ASH1L: variants seen among roughly 807,000 people sequenced by gnomAD.
The protein encoded by ASH1L is histone-lysine N-methyltransferase ASH1L.
A neutral mutation model predicts 269.0 loss-of-function variants in ASH1L; 23 were observed. The ratio of observed to expected loss-of-function variants is 0.09; its 90% CI spans 0.06 to 0.12. ASH1L has a LOEUF of 0.12. Among genes scored for constraint, ASH1L ranks in the 10% least tolerant of loss-of-function variants. ASH1L has a pLI of 1.00. For missense variants in ASH1L, 2,912 were observed against 3,567.8 expected (o/e 0.82, Z 4.68); for synonymous variants, 1,187 against 1,253.5 (o/e 0.95, Z 1.12).
At chr1:155,467,530 A>G (rs937015893) in intron 3 of ASH1L, among the ~76,000 whole-genome samples, 2 of 152,198 alleles carry the variant, frequency 1.3e-5, no homozygotes, top group Non-Finnish European at 2.9e-5. Context: ...AGTCTTCATA[A>G]GATTTAATTT....
chr1:155,507,619 C>A (rs773355815), intron 2 of ASH1L, among the ~76,000 whole-genome samples: 1 of 152,138 alleles, frequency 6.6e-6, no homozygotes, highest in African/African-American at 2.4e-5. Flanking sequence ...CGCCTGTAAT[C>A]CCAGTATGTT....
chr1:155,343,647 T>C lies in ASH1L; in HGVS notation c.8077A>G (p.Lys2693Glu). Residue 2693 changes from lysine to glutamate, a missense_variant, in exon 23 of 28, where the codon AAA (lysine) becomes GAA (glutamate). Lys to Glu is a moderately conservative substitution (Grantham distance 56). Transcript: ENST00000392403. This position sits in a 1 kb window ranked among gnomAD's most constrained non-coding sequence, Gnocchi z 6.1. ...TTCTCAATGCGAAAGATGTCAAGTT[T>C]ATCTCGGTTAATGTGAGATAACAGT... is the stretch of plus-strand genomic sequence containing the variant. The part of the protein sequence containing the change: ...YRLLSHINRD[K>E]LDIFRIEKLW... 1 of 1,614,212 alleles carries C rather than the reference T, an allele frequency of 6.2e-7. No individual in the cohort carries two copies. The highest frequency in any genetic ancestry group is 8.5e-7 in the Non-Finnish European group (1 of 1,180,028).
At chr1:155,527,433 A>G (rs1211337563) in intron 1 of ASH1L, among the ~76,000 whole-genome samples, 2 of 152,076 alleles carry the variant, frequency 1.3e-5, no homozygotes, top group Non-Finnish European at 2.9e-5. Flanking sequence ...TGCTAAGAAG[A>G]ATGATCAATT....
chr1:155,479,119 T>C lies in ASH1L; in HGVS notation c.3751A>G (p.Lys1251Glu). ...TAATCATGATTCCTGCGCTTACATTTGTGTTTATGTTTTTCTTTAAGACTG... is the reference window on the plus strand; with the variant it reads ...TAATCATGATTCCTGCGCTTACATTCGTGTTTATGTTTTTCTTTAAGACTG... ...LSSLKEKHKH[K>E]CKRRNHDYLS... is the part of the protein sequence containing the mutation. The change falls in exon 3 of 28, where the codon AAA becomes GAA. Residue 1251 changes from lysine to glutamate, a missense_variant. By Grantham distance (56) the Lys-to-Glu change is moderately conservative (BLOSUM62 1). Coordinates refer to ENST00000392403, the MANE Select transcript of ASH1L (RefSeq NM_018489.3). 1 of 1,614,162 alleles carries C rather than the reference T, an allele frequency of 6.2e-7. No homozygotes were observed. The highest frequency in any genetic ancestry group is 8.5e-7 in the Non-Finnish European group (1 of 1,180,022).
intron 1 of ASH1L, among the ~76,000 whole-genome samples, chr1:155,547,417 A>C (rs1161098693): frequency 6.6e-6 from 1 of 152,140 alleles, no homozygotes; most frequent in Non-Finnish European, 1.5e-5. Flanking sequence ...AATATGGCAC[A>C]TATACACCAC....
Position 155,422,303 on chromosome 1 carries a change from A to ATT in ASH1L, c.5829-6382_5829-6381dup, listed in dbSNP as rs757564991. 2.2e-3 allele frequency among the ~76,000 whole-genome samples: 261 copies of ATT among 120,902 alleles called. 2 individuals carry two copies. Among genetic ancestry groups the ATT allele is most frequent in the African/African-American group, 6.7e-3 (197 of 29,270 alleles). 79.3% of individuals were successfully genotyped at this position (120,902 alleles called of 152,430 possible). ...AGGGTCACACCACCACGCCCAGCTAATTTTTTTTTTTTTTTTTTTTTTGAG... is the reference window on the plus strand; with the variant it reads ...AGGGTCACACCACCACGCCCAGCTAATTTTTTTTTTTTTTTTTTTTTTTTGAG... On this transcript the variant is annotated intron_variant, in intron 5 of 27. Coordinates refer to ENST00000392403, the MANE Select transcript of ASH1L (RefSeq NM_018489.3).
intron 3 of ASH1L, among the ~76,000 whole-genome samples, chr1:155,462,374 A>C (rs1188728696): frequency 2.6e-5 from 4 of 152,194 alleles, no homozygotes; most frequent in Admixed American, 2.0e-4. Context: ...GTCATCTTCA[A>C]GAAAGTCTTG....
At position 155,347,738 on chromosome 1, in the gene ASH1L, T is replaced by G. The variant is rs765095671; in HGVS notation, c.7721A>C (p.His2574Pro). The change falls in exon 20 of 28, where the codon CAT becomes CCT. Residue 2574 changes from histidine (H) to proline (P), a missense_variant. This residue lies in a region of ASH1L where 309 missense variants were observed against 435.1 expected (regional missense o/e 0.71). Transcript: ENST00000392403. Reference protein sequence around the residue: ...ETSVSEKENGHEKDDDVIRCI... With the variant: ...ETSVSEKENGPEKDDDVIRCI... The stretch of plus-strand genomic sequence containing the variant: ...GCGAATAACATCGTCGTCCTTCTCA[T>G]GCCCATTCTCCTTTTCAGAGACTGA... 1.2e-6 allele frequency: 2 copies of G among 1,614,248 alleles called. No homozygotes were observed. Among genetic ancestry groups the G allele is most frequent in the South Asian group, 1.1e-5 (1 of 91,088 alleles).
rs113168125 is a variant in ASH1L, at chr1:155,491,756, G to A, written c.421-9307C>T. 7.2e-3 allele frequency among the ~76,000 whole-genome samples: 1,093 copies of A among 151,916 alleles called. 11 individuals are homozygous for A. Among genetic ancestry groups the A allele is most frequent in the African/African-American group, 0.025 (1,040 of 41,410 alleles). On this transcript the variant is annotated intron_variant, in intron 2 of 27. Coordinates refer to ENST00000392403, the MANE Select transcript of ASH1L (RefSeq NM_018489.3). Reference sequence around the variant, plus strand: ...TCAACCTCGGCTCACTGCAACCTCCGTCTCCTGGGTTCAAGCAATTCTTGT... The same window carrying A: ...TCAACCTCGGCTCACTGCAACCTCCATCTCCTGGGTTCAAGCAATTCTTGT...
At chr1:155,447,525 C>T (rs1663130064) in intron 4 of ASH1L, among the ~76,000 whole-genome samples, 1 of 152,132 alleles carries the variant, frequency 6.6e-6, no homozygotes, top group Non-Finnish European at 1.5e-5. Context: ...CCACCACACT[C>T]AGCCTTGTTA....
Position 155,521,316 on chromosome 1 carries a change from A to C in ASH1L, c.204T>G (p.Asp68Glu), listed in dbSNP as rs201153025. 16 of 1,614,138 alleles carry C rather than the reference A, an allele frequency of 9.9e-6. No homozygotes were observed. The highest frequency in any genetic ancestry group is 1.4e-5 in the Non-Finnish European group (16 of 1,180,024). Residue 68 changes from aspartate (D) to glutamate (E), a missense_variant, in exon 2 of 28, where the codon GAT (aspartate) becomes GAG (glutamate). By Grantham distance (45) the Asp-to-Glu change is conservative. Transcript: ENST00000392403. The part of the protein sequence containing the change: ...IEAGKDDGLT[D>E]AQQQFSVKET... ...CTTTCACTGAAAACTGTTGCTGTGC[A>C]TCAGTCAAACCATCATCTTTCCCAG...
chr1:155,519,486 T>C lies in ASH1L; in HGVS notation c.420+1614A>G, dbSNP rs564172531. Among the ~76,000 whole-genome samples, 33 of 152,176 alleles carry C rather than the reference T, an allele frequency of 2.2e-4. 1 individual carries two copies. The highest frequency in any genetic ancestry group is 1.9e-3 in the Admixed American group (29 of 15,270). The stretch of plus-strand genomic sequence containing the variant: ...AAAATAAAGTGGTATATCCACACAA[T>C]GGATTATTCAGCCATGAAAAGGAAT... On this transcript the variant is annotated intron_variant, in intron 2 of 27. Transcript: ENST00000392403.
At chr1:155,347,582 G>T (rs968199579) in intron 20 of ASH1L, 74 bp downstream of exon 20, 25 of 1,582,342 alleles carry the variant, frequency 1.6e-5, no homozygotes, top group Non-Finnish European at 2.0e-5. Flanking sequence ...TCCAAAAGAG[G>T]CATGGGCTTC....
intron 5 of ASH1L, among the ~76,000 whole-genome samples, chr1:155,423,073 C>T (rs1660841019): frequency 6.6e-6 from 1 of 151,618 alleles, no homozygotes; most frequent in Non-Finnish European, 1.5e-5. Flanking sequence ...CTTAGCCTTC[C>T]GAGTAGCTGG....
chr1:155,507,100 T>G (rs1667864165), intron 2 of ASH1L, among the ~76,000 whole-genome samples: 1 of 151,770 alleles, frequency 6.6e-6, no homozygotes, highest in African/African-American at 2.4e-5. Context: ...CTGACCAACA[T>G]GGAGAAACCC....
intron 1 of ASH1L, among the ~76,000 whole-genome samples, chr1:155,556,967 T>C (rs1033154619): frequency 4.6e-5 from 7 of 152,174 alleles, no homozygotes; most frequent in Admixed American, 4.6e-4. Context: ...GCCCAAGAGG[T>C]AGAGCATGCA....
At chr1:155,459,410 G>A (rs1466107387) in intron 4 of ASH1L, among the ~76,000 whole-genome samples, 1 of 152,070 alleles carries the variant, frequency 6.6e-6, no homozygotes, top group African/African-American at 2.4e-5. Flanking sequence ...TGAACAGGGT[G>A]GTCTCGAACT....
intron 3 of ASH1L, among the ~76,000 whole-genome samples, chr1:155,473,616 C>A (rs1419341017): frequency 1.5e-4 from 23 of 151,674 alleles, no homozygotes; most frequent in Admixed American, 1.4e-3. Context: ...CTTGCCACAG[C>A]CTCCTGAGTA....
chr1:155,349,484 A>C (rs557551116), intron 18 of ASH1L, 25 bp from the exon 19 acceptor site: 3 of 1,614,090 alleles, frequency 1.9e-6, no homozygotes, highest in Non-Finnish European at 1.7e-6. Context: ...CAGGGTGTCA[A>C]TCTGGCACAC....
Sources: allele counts gnomAD v4.1 joint callset (sites outside exome capture counted in the v4.1 genomes callset), GRCh38; gene constraint gnomAD v4.1.1; regional missense constraint gnomAD v4.1.1; non-coding constraint Gnocchi (gnomAD v3.1); transcripts MANE v1.5; gene names NCBI Gene and HGNC (gene_info 2026-07-23, HGNC 2026-07-21).